Variants in TRIM67 observed in about 807,000 individuals in gnomAD.
TRIM67 encodes tripartite motif containing 67.
Under a neutral mutation model 71.0 loss-of-function variants are expected in TRIM67, and 39 were observed. That is an observed-to-expected ratio of 0.55 (90% CI 0.43 to 0.72). The LOEUF (loss-of-function observed/expected upper bound fraction) is 0.72, where lower values mean the gene tolerates loss of function less well. TRIM67 is among the 30% of genes least tolerant of loss of function. The probability of loss-of-function intolerance (pLI) is 0.00; values close to 1 mark genes in which losing one functional copy is unlikely to be tolerated. For synonymous variants in TRIM67, 481 were observed against 473.9 expected, an observed-to-expected ratio of 1.01 and a Z score of -0.19; for missense variants, 973 against 1,079.2, an observed-to-expected ratio of 0.90 and a Z score of 1.38.
At chr1:231,200,815 C>T (rs190866555) in intron 4 of TRIM67, among the ~76,000 whole-genome samples, 200 of 152,262 alleles carry the variant, frequency 1.3e-3, no homozygotes, top group African/African-American at 4.5e-3. Context: ...GACAGGGACA[C>T]GTGCAAATGT....
chr1:231,185,360 T>G (rs1339868696), intron 1 of TRIM67: 1 of 854,326 alleles, frequency 1.2e-6, no homozygotes, highest in Non-Finnish European at 1.8e-6. Flanking sequence ...GTTTTCCTCA[T>G]CTGAAGTGGG....
rs1232967188 is a variant in TRIM67 at position 231,213,812 on chromosome 1, C to T, written c.2124-3C>T. The T allele has an allele frequency of 6.3e-7, 1 of 1,585,036 alleles. No individual in the cohort carries two copies. Among genetic ancestry groups the T allele is most frequent in the South Asian group, 1.2e-5 (1 of 86,898 alleles). On this transcript the variant is annotated splice_region_variant and splice_polypyrimidine_tract_variant and intron_variant, in intron 8 of 9. Transcript: ENST00000366653. ...ATGGTCTTCCTGGGGACTCTCTTCC[C>T]AGGACGGAAGGTGGCGTGTGCAAGG...
At chr1:231,207,867 G>A (rs923774120) in intron 7 of TRIM67, among the ~76,000 whole-genome samples, 2 of 152,138 alleles carry the variant, frequency 1.3e-5, no homozygotes, top group Non-Finnish European at 2.9e-5. Context: ...AACCTGGGGG[G>A]TTGGGGAGCA....
intron 1 of TRIM67, among the ~76,000 whole-genome samples, chr1:231,168,378 C>T (rs1682536574): frequency 6.6e-6 from 1 of 152,206 alleles, no homozygotes. Flanking sequence ...CTGTCTTTTG[C>T]TGTTACAAAC....
rs1383432158 is a variant in TRIM67 at position 231,163,318 on chromosome 1, C to G, written c.349C>G (p.Pro117Ala). The G allele has an allele frequency of 2.0e-6, 3 of 1,521,530 alleles. No homozygotes were observed. The Admixed American group carries it at 6.2e-5, about 31-fold the overall frequency. The allele number at this position is 1,521,530 out of a possible 1,614,324, so 94.3% of individuals were successfully genotyped here. Residue 117 changes from proline (P) to alanine (A), a missense_variant, in exon 1 of 10, where the codon CCG (proline) becomes GCG (alanine). Pro to Ala is a conservative substitution (Grantham distance 27). Coordinates refer to ENST00000366653, the MANE Select transcript of TRIM67 (RefSeq NM_001004342.5). ...ETDSGYGSYT[P>A]SLKSPNGVRV... ...AGACAGCGGCTACGGGTCCTACACC[C>G]CGAGCCTCAAGTCCCCCAACGGGGT...
At chr1:231,183,650 T>C (rs1040013476) in intron 1 of TRIM67, among the ~76,000 whole-genome samples, 10 of 152,232 alleles carry the variant, frequency 6.6e-5, no homozygotes, top group Admixed American at 1.3e-4. Flanking sequence ...ATTGCTTTTT[T>C]CTTGAGCACT....
In TRIM67 at chr1:231,206,721, C is replaced by A; in HGVS notation, c.1750C>A (p.Arg584=). The A allele has an allele frequency of 1.2e-6, 2 of 1,611,426 alleles. No homozygotes were observed. The highest frequency in any genetic ancestry group is 1.7e-6 in the Non-Finnish European group (2 of 1,178,882). Residue 584 remains arginine (R), a synonymous_variant, in exon 7 of 10, where the codon CGA becomes AGA. Transcript: ENST00000366653. ...GLHFNSTYNA[R]VKAFNSSGVG... ...TCACTTCAACAGCACCTACAACGCC[C>A]GAGTCAAAGCTTTCAACTCTTCTGG...
intron 1 of TRIM67, among the ~76,000 whole-genome samples, chr1:231,187,162 G>T (rs1453134500): frequency 1.3e-5 from 2 of 152,190 alleles, no homozygotes; most frequent in Non-Finnish European, 1.5e-5. Context: ...CAGCGTTTAA[G>T]AAGATGAAGG....
At chr1:231,184,849 AC>A in intron 1 of TRIM67, 1 of 637,306 alleles carries the variant, frequency 1.6e-6, no homozygotes, top group Non-Finnish European at 2.7e-6. Flanking sequence ...GGGTATCATC[AC>A]CCCAATTCAC....
intron 1 of TRIM67, chr1:231,186,225 G>T: frequency 1.4e-6 from 2 of 1,428,554 alleles, no homozygotes; most frequent in African/African-American, 1.5e-5. Flanking sequence ...CAGAAGGAGA[G>T]ACAAGAGTAC....
At chr1:231,167,220 A>C (rs1274255497) in intron 1 of TRIM67, among the ~76,000 whole-genome samples, 1 of 151,864 alleles carries the variant, frequency 6.6e-6, no homozygotes, top group East Asian at 1.9e-4. Context: ...CTGATACTCC[A>C]GGAGTACTAT....
chr1:231,216,115 T>A lies in TRIM67; in HGVS notation c.*675T>A, dbSNP rs1421932647. On this transcript the variant is annotated 3_prime_UTR_variant, in exon 10 of 10. Coordinates refer to ENST00000366653, the MANE Select transcript of TRIM67 (RefSeq NM_001004342.5). ...ATCAGCCAATTGTGTTCTCTCTCTCTCTTCCTCCATCCTTCATTTCTTCTC... is the reference window on the plus strand; with the variant it reads ...ATCAGCCAATTGTGTTCTCTCTCTCACTTCCTCCATCCTTCATTTCTTCTC... 2.1e-5 allele frequency: 21 copies of A among 984,794 alleles called. 1 individual carries two copies. Among genetic ancestry groups the A allele is most frequent in the Non-Finnish European group, 2.5e-5 (21 of 829,498 alleles). 61.0% of individuals were successfully genotyped at this position (984,794 alleles called of 1,614,324 possible). A position where few individuals can be genotyped will look rare whatever the true frequency, so the allele number is the denominator to read the frequency against.
chr1:231,200,688 C>T (rs1683496854), intron 4 of TRIM67, among the ~76,000 whole-genome samples: 1 of 152,218 alleles, frequency 6.6e-6, no homozygotes, highest in African/African-American at 2.4e-5. Context: ...TGCATTCAGG[C>T]TGACTCAGGG....
At position 231,163,875 on chromosome 1, in the gene TRIM67, G is replaced by T. The variant is rs114646292; in HGVS notation, c.906G>T (p.Thr302=). ...TGGSTARKFP[T]CPEHEMENYS... ...GCAGCACGGCCCGCAAGTTCCCCAC[G>T]TGTCCCGAGCATGAAATGGAGAACT... Residue 302 remains threonine (T), a synonymous_variant, in exon 1 of 10, where the codon ACG becomes ACT. Coordinates refer to ENST00000366653, the MANE Select transcript of TRIM67 (RefSeq NM_001004342.5). The T allele has an allele frequency of 4.4e-6, 7 of 1,574,704 alleles. No homozygotes were observed. Among genetic ancestry groups the T allele is most frequent in the African/African-American group, 2.7e-5 (2 of 74,030 alleles).
At chr1:231,184,980 G>T (rs946173111) in intron 1 of TRIM67, 1 of 1,518,208 alleles carries the variant, frequency 6.6e-7, no homozygotes, top group Non-Finnish European at 8.8e-7. Context: ...ACCCAGCAGT[G>T]CTCCTGAATG....
intron 6 of TRIM67, 48 bp from the exon 7 acceptor site, chr1:231,206,604 C>G (rs1198638070): frequency 6.7e-7 from 1 of 1,493,596 alleles, no homozygotes; most frequent in Admixed American, 2.3e-5. Flanking sequence ...CTAAGAGGAG[C>G]TTTCCAAATG....
Position 231,162,231 on chromosome 1 carries a change from C to A in TRIM67, c.-739C>A. On this transcript the variant is annotated 5_prime_UTR_variant, in exon 1 of 10. Coordinates refer to ENST00000366653, the MANE Select transcript of TRIM67 (RefSeq NM_001004342.5). The stretch of plus-strand genomic sequence containing the variant: ...CTGGGAACCAGGGAAGCGGGTCAAT[C>A]CCGGCCGCAGGGAGAAAGCCCCAGG... 1 of 152,472 alleles carries A rather than the reference C, an allele frequency of 6.6e-6. No homozygotes were observed. Among genetic ancestry groups the A allele is most frequent in the Non-Finnish European group, 1.5e-5 (1 of 68,196 alleles). 9.4% of individuals were successfully genotyped at this position (152,472 alleles called of 1,614,324 possible).
rs1341407601 is a variant in TRIM67, at chr1:231,208,816, C to T, written c.1820-131C>T. ...TGTGTGCACGTGTGTGGTAATCATA[C>T]AGGAAAGACCCTTCACTTCTGGGTG... is the stretch of plus-strand genomic sequence containing the variant. On this transcript the variant is annotated intron_variant, in intron 7 of 9. Coordinates refer to ENST00000366653, the MANE Select transcript of TRIM67 (RefSeq NM_001004342.5). 5 of 797,758 alleles carry T rather than the reference C, an allele frequency of 6.3e-6. No individual in the cohort carries two copies. The East Asian group carries it at 1.3e-4, about 20-fold the overall frequency. 49.4% of individuals were successfully genotyped at this position (797,758 alleles called of 1,614,324 possible).
At chr1:231,187,049 A>G (rs771268374) in intron 1 of TRIM67, among the ~76,000 whole-genome samples, 2 of 152,214 alleles carry the variant, frequency 1.3e-5, no homozygotes, top group Non-Finnish European at 1.5e-5. Flanking sequence ...CAGGAGATCA[A>G]TCTAAGTCTA....
Sources: gnomAD v4.1 joint callset for allele counts (sites outside exome capture counted in the v4.1 genomes callset) on GRCh38, gnomAD v4.1.1 for gene constraint, MANE v1.5 for transcripts, NCBI Gene and HGNC (gene_info 2026-07-23, HGNC 2026-07-21) for gene names.